The following BRD10 variants were observed in gnomAD, a reference collection of about 807,000 sequenced individuals.
The protein encoded by BRD10 is uncharacterized bromodomain-containing protein 10.
chr9:5,959,722 T>C, the BRD10 span, among the ~76,000 whole-genome samples: 71 of 152,302 alleles, frequency 4.7e-4, no homozygotes, highest in Non-Finnish European at 9.0e-4. Context: ...CTGGAAATAA[T>C]CAAACACTGT....
chr9:6,007,159 A>G, the BRD10 span: 2 of 1,587,032 alleles, frequency 1.3e-6, no homozygotes, highest in East Asian at 2.2e-5. Context: ...TGTTTGTGTC[A>G]GTCTGTCAGT....
chr9:5,879,634 T>G, the BRD10 span, among the ~76,000 whole-genome samples: 2 of 152,146 alleles, frequency 1.3e-5, no homozygotes, highest in Non-Finnish European at 2.9e-5. Context: ...CTTGGGCCCT[T>G]GAAGCTTCTC....
At chr9:5,977,131 G>A in the BRD10 span, among the ~76,000 whole-genome samples, 1 of 152,192 alleles carries the variant, frequency 6.6e-6, no homozygotes, top group African/African-American at 2.4e-5. Context: ...AGTTTGCCTG[G>A]TAGGCCAAAG....
chr9:5,951,077 C>CA, the BRD10 span, among the ~76,000 whole-genome samples: 42 of 141,950 alleles, frequency 3.0e-4, no homozygotes, highest in South Asian at 3.5e-3. Flanking sequence ...CACACACACA[C>CA]CCCCACCCCA....
chr9:5,915,457 CAGTA>C, the BRD10 span, among the ~76,000 whole-genome samples: 1 of 152,232 alleles, frequency 6.6e-6, no homozygotes, highest in Non-Finnish European at 1.5e-5. Flanking sequence ...TCAAAAGCTT[CAGTA>C]GTTCCCCCAT....
At chr9:5,923,438 A>T in the BRD10 span, 1 of 685,240 alleles carries the variant, frequency 1.5e-6, no homozygotes, top group East Asian at 2.7e-5. Flanking sequence ...AGGGTGATTC[A>T]AAAGCCTTAG....
chr9:5,920,219 T>C, the BRD10 span: 1 of 1,612,296 alleles, frequency 6.2e-7, no homozygotes, highest in African/African-American at 1.3e-5. Flanking sequence ...TTGGCCACTG[T>C]TAAGAACTAA....
the BRD10 span, among the ~76,000 whole-genome samples, chr9:5,902,561 C>A: frequency 2.6e-5 from 4 of 151,912 alleles, no homozygotes; most frequent in African/African-American, 9.7e-5. Context: ...AACTCCTGGG[C>A]TCAAGCACTC....
At chr9:5,922,747 TAC>T in the BRD10 span, 1 of 1,613,894 alleles carries the variant, frequency 6.2e-7, no homozygotes, top group Non-Finnish European at 8.5e-7. Flanking sequence ...CCTGAATCTT[TAC>T]AGAGCTATTT....
At chr9:5,890,752 A>T in the BRD10 span, 1 of 152,184 alleles carries the variant, frequency 6.6e-6, no homozygotes, top group African/African-American at 2.4e-5. Context: ...TTTTTGAAGG[A>T]AGGAATAAAG....
chr9:6,007,139 T>G, the BRD10 span: 4 of 1,528,072 alleles, frequency 2.6e-6, no homozygotes, highest in Non-Finnish European at 3.6e-6. Flanking sequence ...CTCGGGCACG[T>G]GTGAGTGTGT....
At chr9:5,920,846 T>A in the BRD10 span, 1 of 1,613,970 alleles carries the variant, frequency 6.2e-7, no homozygotes. Flanking sequence ...TGATGCAAGG[T>A]GTCCTGTTTT....
At chr9:6,007,223 G>C in the BRD10 span, 1 of 1,613,684 alleles carries the variant, frequency 6.2e-7, no homozygotes, top group Non-Finnish European at 8.5e-7. Flanking sequence ...TTCTGCTCCA[G>C]CATCATCTCC....
the BRD10 span, among the ~76,000 whole-genome samples, chr9:5,886,792 G>A: frequency 2.0e-5 from 3 of 152,198 alleles, no homozygotes; most frequent in Admixed American, 6.5e-5. Context: ...AACAGGATGT[G>A]GTAGGTTTTT....
the BRD10 span, among the ~76,000 whole-genome samples, chr9:5,916,935 C>A: frequency 6.6e-6 from 1 of 152,128 alleles, no homozygotes; most frequent in African/African-American, 2.4e-5. Flanking sequence ...TCTCAGAAAT[C>A]CACATGACCT....
the BRD10 span, among the ~76,000 whole-genome samples, chr9:5,966,789 A>C: frequency 1.3e-5 from 2 of 152,246 alleles, no homozygotes; most frequent in African/African-American, 2.4e-5. Flanking sequence ...GAATTTGCCA[A>C]ATTCATCAAA....
the BRD10 span, among the ~76,000 whole-genome samples, chr9:5,939,934 T>C: frequency 0.64 from 97,968 of 152,030 alleles, 33,147 homozygotes; most frequent in Non-Finnish European, 0.78. Flanking sequence ...ACCACTGGCT[T>C]ATACAGAACT....
At chr9:5,986,148 G>A in the BRD10 span, among the ~76,000 whole-genome samples, 16 of 152,046 alleles carry the variant, frequency 1.1e-4, no homozygotes, top group Non-Finnish European at 1.6e-4. Context: ...TACAGGCTCC[G>A]GTGTGTGTTG....
the BRD10 span, among the ~76,000 whole-genome samples, chr9:5,976,114 G>A: frequency 6.6e-6 from 1 of 152,146 alleles, no homozygotes; most frequent in Non-Finnish European, 1.5e-5. Flanking sequence ...TCTGAGTCAT[G>A]GGCTTGAAGT....
Sources: allele counts gnomAD v4.1 joint callset (sites outside exome capture counted in the v4.1 genomes callset), GRCh38; gene constraint gnomAD v4.1.1; transcripts MANE v1.5; gene names NCBI Gene and HGNC (gene_info 2026-07-23, HGNC 2026-07-21).